MIA3: variants seen among roughly 807,000 people sequenced by gnomAD.
MIA3 encodes the protein MIA SH3 domain ER export factor 3.
Under a neutral mutation model 192.4 loss-of-function variants are expected in MIA3, and 90 were observed. That is an observed-to-expected ratio of 0.47 (90% CI 0.39 to 0.56). MIA3 has a LOEUF of 0.56. Ranked by LOEUF, MIA3 falls within the 20% of genes least tolerant of loss-of-function variation. The pLI, the probability that MIA3 is intolerant of heterozygous loss-of-function variation, is 0.00. For missense variants in MIA3, 2,123 were observed against 2,269.4 expected (o/e 0.94, Z 1.31); for synonymous variants, 740 against 792.8 (o/e 0.93, Z 1.12).
At chr1:222,655,492 T>C (rs1175698766) in intron 18 of MIA3, among the ~76,000 whole-genome samples, 1 of 152,246 alleles carries the variant, frequency 6.6e-6, no homozygotes, top group Non-Finnish European at 1.5e-5. Flanking sequence ...CTCTTTGGTG[T>C]ATATGGCAGT....
chr1:222,647,531 G>A (rs1663205667), intron 7 of MIA3, among the ~76,000 whole-genome samples: 1 of 152,034 alleles, frequency 6.6e-6, no homozygotes, highest in Non-Finnish European at 1.5e-5. Flanking sequence ...TTTTTCCTGT[G>A]AGGCCTTCTC....
At chr1:222,641,658 T>C (rs964499319) in intron 6 of MIA3, 7 of 538,584 alleles carry the variant, frequency 1.3e-5, no homozygotes, top group Non-Finnish European at 2.2e-5. Flanking sequence ...CAGGGACATA[T>C]ATTAAACTCG....
In MIA3 at chr1:222,667,574, T is replaced by TA. The variant is rs2124943418; in HGVS notation, c.*1957dup. ...GTATCTGACATAATTGAGAAACTGG[T>TA]AAGCTGTAAAGATTCCAGTGTAGCT... On this transcript the variant is annotated 3_prime_UTR_variant, in exon 28 of 28. Coordinates refer to ENST00000344922, the MANE Select transcript of MIA3 (RefSeq NM_198551.4). The TA allele has an allele frequency of 6.6e-6, 1 of 152,312 alleles. No individual in the cohort carries two copies. The highest frequency in any genetic ancestry group is 1.9e-4 in the East Asian group (1 of 5,194). 9.4% of individuals were successfully genotyped at this position (152,312 alleles called of 1,614,324 possible).
At chr1:222,661,950 C>T in intron 24 of MIA3, 106 bp from the exon 25 acceptor site, 2 of 783,092 alleles carry the variant, frequency 2.6e-6, no homozygotes, top group Non-Finnish European at 4.1e-6. Flanking sequence ...ATTGGGAGAC[C>T]CATTTTTAAT....
rs1182040719 is a variant in MIA3, at chr1:222,628,340, AATG to A, written c.1126_1128del (p.Asp376del). On this transcript the variant is annotated inframe_deletion, in exon 4 of 28. Transcript: ENST00000344922. ...GCTAACTGTGCCCCCTGGCATCAAA[AATG>A]ATGATAAAAATATACTAACAACCTG... 1.1e-5 allele frequency: 17 copies of A among 1,613,484 alleles called. No individual in the cohort carries two copies. The highest frequency in any genetic ancestry group is 1.3e-5 in the Non-Finnish European group (15 of 1,179,908).
rs1394763694 is a variant in MIA3 at position 222,629,011 on chromosome 1, A to G, written c.1791A>G (p.Gly597=). 1.2e-6 allele frequency: 2 copies of G among 1,614,200 alleles called. No individual in the cohort carries two copies. Among genetic ancestry groups the G allele is most frequent in the East Asian group, 4.5e-5 (2 of 44,874 alleles). ...HPNASRDSVE[G]DALVNGAKLH... ...ACGCATCCAGAGACAGTGTGGAGGG[A>G]GACGCTTTGGTAAATGGGGCCAAAC... The change falls in exon 4 of 28, where the codon GGA becomes GGG. Residue 597 remains glycine (G), a synonymous_variant. Transcript: ENST00000344922.
At chr1:222,638,527 A>G (rs1303540896) in intron 6 of MIA3, among the ~76,000 whole-genome samples, 1 of 148,828 alleles carries the variant, frequency 6.7e-6, no homozygotes, top group African/African-American at 2.5e-5. Context: ...GTTTCTACAA[A>G]ACACACACAC....
intron 6 of MIA3, among the ~76,000 whole-genome samples, chr1:222,637,552 G>A (rs1011954520): frequency 6.6e-6 from 1 of 152,070 alleles, no homozygotes; most frequent in Non-Finnish European, 1.5e-5. Flanking sequence ...TCAAAATAAC[G>A]AGTTAGACAA....
At chr1:222,630,819 C>A (rs1029148098) in intron 4 of MIA3, among the ~76,000 whole-genome samples, 1 of 152,168 alleles carries the variant, frequency 6.6e-6, no homozygotes, top group Non-Finnish European at 1.5e-5. Flanking sequence ...CCAATTTTAT[C>A]TTTTGTGGAT....
chr1:222,629,000 A>G lies in MIA3; in HGVS notation c.1780A>G (p.Ser594Gly), dbSNP rs1455494270. 2 of 1,614,214 alleles carry G rather than the reference A, an allele frequency of 1.2e-6. No individual in the cohort carries two copies. Among genetic ancestry groups the G allele is most frequent in the Admixed American group, 1.7e-5 (1 of 60,026 alleles). Residue 594 changes from serine (S) to glycine (G), a missense_variant, in exon 4 of 28, where the codon AGT (serine) becomes GGT (glycine). Physicochemically the swap from Ser to Gly is moderately conservative, Grantham distance 56 (BLOSUM62 0). Around this residue, in one of 3 missense-constraint regions of MIA3, gnomAD observed 1,357 missense variants for 1,396.1 expected, o/e 0.97. Transcript: ENST00000344922. ...GDDHPNASRD[S>G]VEGDALVNGA... ...TGACCACCCTAACGCATCCAGAGACAGTGTGGAGGGAGACGCTTTGGTAAA... is the reference window on the plus strand; with the variant it reads ...TGACCACCCTAACGCATCCAGAGACGGTGTGGAGGGAGACGCTTTGGTAAA...
Position 222,664,101 on chromosome 1 carries a change from C to G in MIA3, c.5366C>G (p.Pro1789Arg). 1 of 1,614,218 alleles carries G rather than the reference C, an allele frequency of 6.2e-7. No individual in the cohort carries two copies. The highest frequency in any genetic ancestry group is 8.5e-7 in the Non-Finnish European group (1 of 1,180,032). The change falls in exon 27 of 28, where the codon CCT (proline) becomes CGT (arginine). Residue 1789 changes from proline to arginine, a missense_variant. Pro to Arg is a moderately radical substitution (Grantham distance 103). Transcript: ENST00000344922. ...CCACCCATTCGATATGGACCACCAC[C>G]TCAGCTCTGCGGACCTTTTGGGCCT... ...VPPPIRYGPPPQLCGPFGPRP... is the reference protein window; with the variant it reads ...VPPPIRYGPPRQLCGPFGPRP...
At chr1:222,663,654 A>G (rs17465940) in intron 26 of MIA3, among the ~76,000 whole-genome samples, 86,628 of 152,070 alleles carry the variant, frequency 0.57, 27,882 homozygotes, top group Non-Finnish European at 0.72. Flanking sequence ...TTACTCTGAT[A>G]GGAGGGATGT....
chr1:222,622,532 G>T (rs183196587), intron 2 of MIA3, among the ~76,000 whole-genome samples: 1 of 152,216 alleles, frequency 6.6e-6, no homozygotes, highest in Non-Finnish European at 1.5e-5. Context: ...GGCATTCCAG[G>T]TTCCTAGGGA....
chr1:222,659,380 G>A (rs909301406), intron 19 of MIA3, 73 bp from the exon 20 acceptor site: 51 of 1,352,152 alleles, frequency 3.8e-5, no homozygotes, highest in Non-Finnish European at 4.8e-5. Context: ...TTAGGGTAAC[G>A]GTTAACATAG....
chr1:222,636,851 CA>C (rs1662647895), intron 6 of MIA3, among the ~76,000 whole-genome samples: 1 of 152,108 alleles, frequency 6.6e-6, no homozygotes, highest in South Asian at 2.1e-4. Flanking sequence ...CTGCATATTT[CA>C]GATGCCTCAG....
intron 6 of MIA3, chr1:222,644,524 G>A (rs1663035319): frequency 1.3e-6 from 2 of 1,550,652 alleles, no homozygotes; most frequent in Non-Finnish European, 1.7e-6. Context: ...TACCCCGGGG[G>A]ACCCGGAACT....
At position 222,654,472 on chromosome 1, in the gene MIA3, C is replaced by T; in HGVS notation, c.4461C>T (p.Asn1487=). 2.5e-6 allele frequency: 4 copies of T among 1,612,304 alleles called. No homozygotes were observed. The highest frequency in any genetic ancestry group is 2.5e-6 in the Non-Finnish European group (3 of 1,178,842). ...GAGCCTCCGTGTCCACTAAATGTAA[C>T]CTGGAAGGTAGGTTGCTTCTTGAGA... The part of the protein sequence containing the change: ...KLRASVSTKC[N]LEDQVKKLED... The change falls in exon 17 of 28, where the codon AAC becomes AAT. Residue 1487 remains asparagine, a synonymous_variant. Coordinates refer to ENST00000344922, the MANE Select transcript of MIA3 (RefSeq NM_198551.4).
intron 6 of MIA3, among the ~76,000 whole-genome samples, chr1:222,637,301 G>A (rs1662670213): frequency 6.6e-6 from 1 of 152,138 alleles, no homozygotes; most frequent in Non-Finnish European, 1.5e-5. Context: ...GTCAAATTCA[G>A]ATTCAATTTT....
At chr1:222,651,251 T>C (rs1189058547) in intron 11 of MIA3, among the ~76,000 whole-genome samples, 1 of 151,510 alleles carries the variant, frequency 6.6e-6, no homozygotes, top group Non-Finnish European at 1.5e-5. Context: ...ATTTTATTAA[T>C]AGAATAGTTT....
Sources: allele counts gnomAD v4.1 joint callset (sites outside exome capture counted in the v4.1 genomes callset), GRCh38; gene constraint gnomAD v4.1.1; regional missense constraint gnomAD v4.1.1; transcripts MANE v1.5; gene names NCBI Gene and HGNC (gene_info 2026-07-23, HGNC 2026-07-21).